Variants in ITCH observed in about 807,000 individuals in gnomAD.
ITCH encodes itchy E3 ubiquitin protein ligase.
Under a neutral mutation model 126.8 loss-of-function variants are expected in ITCH, and 28 were observed. The ratio of observed to expected loss-of-function variants is 0.22; its 90% CI spans 0.16 to 0.30. The LOEUF is 0.30. ITCH is among the 10% of genes least tolerant of loss of function. ITCH has a pLI of 1.00. For missense variants in ITCH, 631 were observed against 1,032.4 expected, an observed-to-expected ratio of 0.61 and a Z score of 5.33; for synonymous variants, 342 against 340.0, an observed-to-expected ratio of 1.01 and a Z score of -0.06.
chr20:34,475,516 G>A (rs1445183811), intron 16 of ITCH, among the ~76,000 whole-genome samples: 1 of 152,206 alleles, frequency 6.6e-6, no homozygotes, highest in South Asian at 2.1e-4. Context: ...CCAGTCAGGC[G>A]TGGCGGCGCG....
intron 23 of ITCH, among the ~76,000 whole-genome samples, chr20:34,500,582 C>T (rs996186794): frequency 6.6e-6 from 1 of 152,090 alleles, no homozygotes; most frequent in African/African-American, 2.4e-5. Flanking sequence ...TTCTTGGAGG[C>T]AGCATATGAT....
At chr20:34,369,593 T>C (rs968779360) in intron 2 of ITCH, 123 bp downstream of exon 2, 1 of 392,718 alleles carries the variant, frequency 2.5e-6, no homozygotes, top group Admixed American at 4.4e-5. Flanking sequence ...GTTGAACATA[T>C]AGGCAGCTTC....
At chr20:34,426,633 A>T (rs1420339829) in intron 7 of ITCH, among the ~76,000 whole-genome samples, 1 of 131,614 alleles carries the variant, frequency 7.6e-6, no homozygotes, top group East Asian at 2.2e-4. Flanking sequence ...TATTTTTAGT[A>T]AGAGATGGGG....
intron 7 of ITCH, among the ~76,000 whole-genome samples, chr20:34,426,727 A>T (rs1370309490): frequency 1.3e-5 from 2 of 150,730 alleles, no homozygotes; most frequent in African/African-American, 2.4e-5. Context: ...CTGGGATTAT[A>T]GGCATAAGCT....
intron 24 of ITCH, among the ~76,000 whole-genome samples, chr20:34,505,441 G>A (rs1030358244): frequency 1.3e-5 from 2 of 152,118 alleles, no homozygotes; most frequent in African/African-American, 4.8e-5. Flanking sequence ...GTACCCATTA[G>A]CAGTCACTCC....
chr20:34,375,407 C>T (rs1454605491), intron 2 of ITCH, among the ~76,000 whole-genome samples: 4 of 146,326 alleles, frequency 2.7e-5, no homozygotes, highest in Admixed American at 2.1e-4. Context: ...TTATTTAGCT[C>T]GATTTAGCCA....
chr20:34,460,067 C>T (rs1330978857), intron 13 of ITCH, among the ~76,000 whole-genome samples: 1 of 152,196 alleles, frequency 6.6e-6, no homozygotes, highest in African/African-American at 2.4e-5. Flanking sequence ...ATTTTCAAGA[C>T]AACAACTTGT....
intron 3 of ITCH, among the ~76,000 whole-genome samples, chr20:34,406,609 A>G (rs2039067147): frequency 6.8e-6 from 1 of 147,928 alleles, no homozygotes; most frequent in Non-Finnish European, 1.5e-5. Flanking sequence ...ATCGCGGCTC[A>G]CTGCAATCTC....
intron 17 of ITCH, among the ~76,000 whole-genome samples, chr20:34,478,645 G>A (rs1031001436): frequency 2.6e-5 from 4 of 152,170 alleles, no homozygotes; most frequent in Admixed American, 2.0e-4. Flanking sequence ...ATTGTGAAGA[G>A]TAGAAATATT....
chr20:34,469,610 G>T (rs866486978), intron 14 of ITCH, among the ~76,000 whole-genome samples: 1 of 152,054 alleles, frequency 6.6e-6, no homozygotes, highest in Non-Finnish European at 1.5e-5. Flanking sequence ...CTTCTTGAAC[G>T]TTTCATATGC....
intron 1 of ITCH, among the ~76,000 whole-genome samples, chr20:34,363,813 C>A (rs965283253): frequency 5.9e-5 from 9 of 152,074 alleles, no homozygotes; most frequent in Non-Finnish European, 8.8e-5. Flanking sequence ...GAGACTTTTC[C>A]GAGCCCCCAG....
chr20:34,364,399 TG>T (rs2037328127), intron 1 of ITCH, among the ~76,000 whole-genome samples: 1 of 152,046 alleles, frequency 6.6e-6, no homozygotes, highest in Admixed American at 6.6e-5. Flanking sequence ...CCCACTTAGG[TG>T]GGTTCTCCTG....
At chr20:34,379,594 CTTT>C (rs757940621) in intron 2 of ITCH, among the ~76,000 whole-genome samples, 7 of 135,512 alleles carry the variant, frequency 5.2e-5, no homozygotes, top group Admixed American at 1.5e-4. Context: ...AATATTTGTC[CTTT>C]TTTTTTTTTT....
intron 4 of ITCH, among the ~76,000 whole-genome samples, chr20:34,411,763 T>G (rs745427322): frequency 3.9e-5 from 6 of 152,226 alleles, no homozygotes; most frequent in African/African-American, 7.2e-5. Context: ...GATTATATAG[T>G]GCTCCTAGCT....
intron 23 of ITCH, among the ~76,000 whole-genome samples, chr20:34,503,878 T>G (rs1262915994): frequency 0.038 from 4,384 of 114,318 alleles, 169 homozygotes; most frequent in South Asian, 0.059. Flanking sequence ...TGGTTTTTTT[T>G]TTTTTGGTTT....
intron 14 of ITCH, among the ~76,000 whole-genome samples, chr20:34,463,799 T>G (rs1309693042): frequency 2.6e-5 from 4 of 152,024 alleles, no homozygotes; most frequent in Admixed American, 2.6e-4. Flanking sequence ...GTTGTTGTTT[T>G]TTTTTTCTTT....
intron 3 of ITCH, chr20:34,402,783 T>G: frequency 8.3e-6 from 2 of 239,968 alleles, no homozygotes; most frequent in East Asian, 2.1e-4. Context: ...TCATCTGTGT[T>G]TTTTATTTGA....
chr20:34,465,410 A>C (rs1419720589), intron 14 of ITCH, among the ~76,000 whole-genome samples: 1 of 152,024 alleles, frequency 6.6e-6, no homozygotes, highest in Non-Finnish European at 1.5e-5. Context: ...TTATTTCTGA[A>C]AAAAAGAAGT....
At chr20:34,368,653 G>A (rs2037507858) in intron 1 of ITCH, among the ~76,000 whole-genome samples, 1 of 152,152 alleles carries the variant, frequency 6.6e-6, no homozygotes, top group African/African-American at 2.4e-5. Context: ...ACCAGAAGCT[G>A]TTCCTGCCTC....
Sources: allele counts gnomAD v4.1 joint callset (sites outside exome capture counted in the v4.1 genomes callset), GRCh38; gene constraint gnomAD v4.1.1; transcripts MANE v1.5; gene names NCBI Gene and HGNC (gene_info 2026-07-23, HGNC 2026-07-21).